Variants in KCND2 observed in about 807,000 individuals in gnomAD.
The protein encoded by KCND2 is A-type voltage-gated potassium channel KCND2.
A neutral mutation model predicts 54.4 loss-of-function variants in KCND2; 16 were observed. That is an observed-to-expected ratio of 0.29 (90% confidence interval 0.20 to 0.45). The LOEUF (loss-of-function observed/expected upper bound fraction) is 0.45, where lower values mean the gene tolerates loss of function less well. KCND2 is among the 20% of genes least tolerant of loss of function. The pLI is 1.00. For missense variants in KCND2, 486 were observed against 824.2 expected (o/e 0.59, Z 5.02); for synonymous variants, 317 against 310.7 (o/e 1.02, Z -0.21).
rs114131576 is a variant in KCND2 at position 120,389,363 on chromosome 7, T to C, written c.1115+113616T>C. ...CTTACATAGTTATGTTGTATGTGTA[T>C]GTGTGTGTGGCAAAAGTCCCTAAAA... On this transcript the variant is annotated intron_variant, in intron 1 of 5. Coordinates refer to ENST00000331113, the MANE Select transcript of KCND2 (RefSeq NM_012281.3). Among the ~76,000 whole-genome samples the C allele has an allele frequency of 5.0e-3, 759 of 152,020 alleles. 2 individuals are homozygous for C. The highest frequency in any genetic ancestry group is 0.017 in the African/African-American group (695 of 41,536).
chr7:120,341,912 G>A (rs1271482462), intron 1 of KCND2, among the ~76,000 whole-genome samples: 1 of 152,044 alleles, frequency 6.6e-6, no homozygotes, highest in Non-Finnish European at 1.5e-5. Context: ...TTGAAAGCTG[G>A]GATTTACAGG....
chr7:120,314,060 G>T, intron 1 of KCND2, among the ~76,000 whole-genome samples: 1 of 144,620 alleles, frequency 6.9e-6, no homozygotes. Flanking sequence ...TATTTCTTCA[G>T]TGTAAATACA....
intron 1 of KCND2, among the ~76,000 whole-genome samples, chr7:120,684,030 A>T (rs965867037): frequency 5.9e-5 from 9 of 152,072 alleles, no homozygotes; most frequent in Non-Finnish European, 1.2e-4. Context: ...GATAATAGGG[A>T]CCATCTCCAA....
chr7:120,322,783 CTT>C (rs1030173254), intron 1 of KCND2, among the ~76,000 whole-genome samples: 1 of 151,858 alleles, frequency 6.6e-6, no homozygotes, highest in Non-Finnish European at 1.5e-5. Flanking sequence ...AACTCAGTAA[CTT>C]TGTCTTTTGA....
chr7:120,630,327 G>A (rs1164384185), intron 1 of KCND2, among the ~76,000 whole-genome samples: 1 of 152,136 alleles, frequency 6.6e-6, no homozygotes, highest in East Asian at 1.9e-4. Context: ...AGAATCCATA[G>A]ACAGTGATTT....
intron 1 of KCND2, among the ~76,000 whole-genome samples, chr7:120,612,283 A>G (rs1792966280): frequency 1.3e-5 from 2 of 152,172 alleles, no homozygotes; most frequent in African/African-American, 4.8e-5. Flanking sequence ...ACACACTTAA[A>G]TTTATAGTTC....
intron 1 of KCND2, among the ~76,000 whole-genome samples, chr7:120,309,490 CACACACACACACAT>C (rs1799702729): frequency 2.2e-5 from 2 of 92,616 alleles, no homozygotes; most frequent in African/African-American, 6.2e-5. Context: ...CACACACACA[CACACACACACACAT>C]ATGTATGTAT....
At chr7:120,350,796 C>G (rs578164120) in intron 1 of KCND2, among the ~76,000 whole-genome samples, 1 of 152,274 alleles carries the variant, frequency 6.6e-6, no homozygotes, top group South Asian at 2.1e-4. Context: ...ACATCCACAG[C>G]AAGTGAAATC....
intron 1 of KCND2, among the ~76,000 whole-genome samples, chr7:120,524,817 T>G (rs1584813093): frequency 6.6e-6 from 1 of 152,312 alleles, no homozygotes; most frequent in Admixed American, 6.5e-5. Flanking sequence ...GTTAGCTAAC[T>G]TAGGATACCA....
At position 120,388,686 on chromosome 7, in the gene KCND2, C is replaced by T. The variant is rs541085138; in HGVS notation, c.1115+112939C>T. 3.3e-4 allele frequency among the ~76,000 whole-genome samples: 50 copies of T among 151,994 alleles called. No individual in the cohort carries two copies. In the South Asian group the frequency reaches 7.9e-3, roughly 24 times the overall value. On this transcript the variant is annotated intron_variant, in intron 1 of 5. Coordinates refer to ENST00000331113, the MANE Select transcript of KCND2 (RefSeq NM_012281.3). Reference sequence around the variant, plus strand: ...GAAACCAATCCAGATGAACTAGAACCGAGCTCCCCATGTGGGCATCCATGG... The same window carrying T: ...GAAACCAATCCAGATGAACTAGAACTGAGCTCCCCATGTGGGCATCCATGG...
intron 1 of KCND2, among the ~76,000 whole-genome samples, chr7:120,642,972 A>G (rs1022199781): frequency 2.6e-5 from 4 of 152,226 alleles, no homozygotes; most frequent in African/African-American, 9.6e-5. Context: ...AAGAACTTCC[A>G]TTGTATGGCA....
intron 1 of KCND2, among the ~76,000 whole-genome samples, chr7:120,362,093 G>A (rs1178568335): frequency 6.6e-6 from 1 of 152,116 alleles, no homozygotes; most frequent in Non-Finnish European, 1.5e-5. Flanking sequence ...GGGCGAGATT[G>A]CATCTCTCAT....
At chr7:120,300,007 AGCCAGAGCTCT>A (rs1799563482) in intron 1 of KCND2, among the ~76,000 whole-genome samples, 1 of 152,220 alleles carries the variant, frequency 6.6e-6, no homozygotes, top group Non-Finnish European at 1.5e-5. Flanking sequence ...TAGTATATAT[AGCCAGAGCTCT>A]GCCAATAAAC....
intron 1 of KCND2, among the ~76,000 whole-genome samples, chr7:120,363,189 G>C (rs552699529): frequency 2.0e-5 from 3 of 151,964 alleles, no homozygotes; most frequent in Non-Finnish European, 4.4e-5. Context: ...ATAGCTACTC[G>C]GGTGGCTGAG....
At chr7:120,502,981 T>G (rs891868030) in intron 1 of KCND2, among the ~76,000 whole-genome samples, 5 of 152,060 alleles carry the variant, frequency 3.3e-5, no homozygotes, top group African/African-American at 1.2e-4. Flanking sequence ...TTGAAGTAGG[T>G]AAAAGGAAAC....
intron 1 of KCND2, among the ~76,000 whole-genome samples, chr7:120,477,468 A>G (rs527772473): frequency 3.9e-5 from 6 of 152,264 alleles, no homozygotes; most frequent in African/African-American, 1.2e-4. Context: ...TTATTAATCT[A>G]AAGAAAAAAT....
intron 1 of KCND2, among the ~76,000 whole-genome samples, chr7:120,601,169 G>A (rs929870804): frequency 5.9e-4 from 90 of 152,122 alleles, no homozygotes; most frequent in African/African-American, 1.9e-3. Context: ...ATTCCAGAGG[G>A]GTGATTAGAT....
chr7:120,672,973 A>G (rs1792012201), intron 1 of KCND2: 3 of 151,964 alleles, frequency 2.0e-5, no homozygotes, highest in Admixed American at 2.0e-4. Context: ...GTCTCATATT[A>G]AAAGACAGAG....
chr7:120,432,480 T>A (rs1180024064), intron 1 of KCND2, among the ~76,000 whole-genome samples: 1 of 149,816 alleles, frequency 6.7e-6, no homozygotes, highest in Non-Finnish European at 1.5e-5. Flanking sequence ...TTTTTATGTG[T>A]TTGCATGTAT....
Sources: gnomAD v4.1 joint callset for allele counts (sites outside exome capture counted in the v4.1 genomes callset) on GRCh38, gnomAD v4.1.1 for gene constraint, MANE v1.5 for transcripts, NCBI Gene and HGNC (gene_info 2026-07-23, HGNC 2026-07-21) for gene names.